IMMP2L: variants seen among roughly 807,000 people sequenced by gnomAD.
The protein encoded by IMMP2L is inner mitochondrial membrane peptidase subunit 2.
Under a neutral mutation model 19.3 loss-of-function variants are expected in IMMP2L, and 18 were observed. The ratio of observed to expected loss-of-function variants is 0.93; its 90% CI spans 0.64 to 1.38. IMMP2L has a LOEUF of 1.38. IMMP2L is among the 40% of genes most tolerant of loss of function. The pLI is 0.00. For missense variants in IMMP2L, 233 were observed against 218.2 expected (o/e 1.07, Z -0.43); for synonymous variants, 76 against 73.0 (o/e 1.04, Z -0.21).
intron 3 of IMMP2L, among the ~76,000 whole-genome samples, chr7:111,033,595 C>T (rs1432934668): frequency 1.3e-5 from 2 of 152,122 alleles, no homozygotes; most frequent in African/African-American, 4.8e-5. Context: ...AGTAAACAAA[C>T]TGTGATACAT....
At chr7:110,762,720 G>C (rs909142040) in intron 5 of IMMP2L, among the ~76,000 whole-genome samples, 3 of 152,148 alleles carry the variant, frequency 2.0e-5, no homozygotes, top group Non-Finnish European at 4.4e-5. Context: ...CTGCTGAACT[G>C]AGTTAATGTC....
rs991454711 is a variant in IMMP2L at position 111,237,673 on chromosome 7, T to C, written c.239+249565A>G. Among the ~76,000 whole-genome samples, 3 of 151,856 alleles carry C rather than the reference T, an allele frequency of 2.0e-5. No homozygotes were observed. The East Asian group carries it at 5.8e-4, about 29-fold the overall frequency. On this transcript the variant is annotated intron_variant, in intron 3 of 5. Transcript: ENST00000405709. ...TCATAGAAATTACACCTTATAAATGTATATAATCTGTTTCTTTAAAAAAAA... is the reference window on the plus strand; with the variant it reads ...TCATAGAAATTACACCTTATAAATGCATATAATCTGTTTCTTTAAAAAAAA...
intron 3 of IMMP2L, among the ~76,000 whole-genome samples, chr7:111,428,179 TG>T (rs1323013319): frequency 6.6e-6 from 1 of 151,776 alleles, no homozygotes; most frequent in Non-Finnish European, 1.5e-5. Flanking sequence ...TCCCTTATAT[TG>T]TATTTCACCC....
At chr7:111,467,551 T>A (rs1490628069) in intron 3 of IMMP2L, among the ~76,000 whole-genome samples, 1 of 152,156 alleles carries the variant, frequency 6.6e-6, no homozygotes, top group Non-Finnish European at 1.5e-5. Context: ...GAAAACAATA[T>A]GCCAACTCCT....
chr7:111,396,166 T>C (rs954148963), intron 3 of IMMP2L, among the ~76,000 whole-genome samples: 1 of 152,068 alleles, frequency 6.6e-6, no homozygotes, highest in African/African-American at 2.4e-5. Flanking sequence ...CATTTTACTA[T>C]AAAGACACAT....
chr7:111,507,502 G>A (rs979669650), intron 2 of IMMP2L, among the ~76,000 whole-genome samples: 6 of 151,968 alleles, frequency 3.9e-5, no homozygotes, highest in East Asian at 3.9e-4. Flanking sequence ...ATTCCAGTCC[G>A]CAGTAACAGA....
chr7:110,961,480 T>A (rs780939707), intron 4 of IMMP2L, among the ~76,000 whole-genome samples: 2 of 151,374 alleles, frequency 1.3e-5, no homozygotes, highest in African/African-American at 2.4e-5. Flanking sequence ...GTTTTCTCTC[T>A]CTCTGAATAT....
intron 1 of IMMP2L, among the ~76,000 whole-genome samples, chr7:111,541,830 C>T (rs1294725465): frequency 1.3e-5 from 2 of 151,916 alleles, no homozygotes; most frequent in African/African-American, 4.8e-5. Context: ...GCAAAAAAGA[C>T]GAGGCATATC....
chr7:110,919,602 G>A (rs1814021968), intron 4 of IMMP2L, among the ~76,000 whole-genome samples: 1 of 152,078 alleles, frequency 6.6e-6, no homozygotes, highest in African/African-American at 2.4e-5. Context: ...ATACCGGAGA[G>A]GAGATTGAAC....
At chr7:110,993,693 A>C (rs1323242338) in intron 3 of IMMP2L, among the ~76,000 whole-genome samples, 3 of 152,030 alleles carry the variant, frequency 2.0e-5, no homozygotes, top group African/African-American at 7.2e-5. Context: ...GTCCAACTGG[A>C]TATTGCATTG....
intron 5 of IMMP2L, among the ~76,000 whole-genome samples, chr7:110,780,874 C>T (rs1182072464): frequency 6.6e-6 from 1 of 151,870 alleles, no homozygotes; most frequent in African/African-American, 2.4e-5. Flanking sequence ...TCATTATTTG[C>T]ACTCCCTGTC....
At chr7:111,266,544 C>CAAAAAAA (rs530670317) in intron 3 of IMMP2L, among the ~76,000 whole-genome samples, 1 of 88,774 alleles carries the variant, frequency 1.1e-5, no homozygotes, top group Non-Finnish European at 2.4e-5. Context: ...CTATGTCTCC[C>CAAAAAAA]AAAAAAAAAA....
At chr7:111,142,331 AAAAAAAAAAAAAGAAAGAAAG>A (rs1802996506) in intron 3 of IMMP2L, among the ~76,000 whole-genome samples, 1 of 72,750 alleles carries the variant, frequency 1.4e-5, no homozygotes. Flanking sequence ...GTCTCAAAAA[AAAAAAAAAAAAAGAAAGAAAG>A]AAAGAAAGAA....
chr7:111,254,674 T>C (rs914746424), intron 3 of IMMP2L, among the ~76,000 whole-genome samples: 2 of 152,104 alleles, frequency 1.3e-5, no homozygotes, highest in Admixed American at 6.6e-5. Flanking sequence ...TCTGTATACA[T>C]GAGAGATTGG....
At chr7:110,916,519 G>C (rs929487026) in intron 4 of IMMP2L, among the ~76,000 whole-genome samples, 10 of 152,144 alleles carry the variant, frequency 6.6e-5, no homozygotes, top group African/African-American at 2.2e-4. Flanking sequence ...AATCCTTGAA[G>C]ATGTGAAAAG....
intron 2 of IMMP2L, among the ~76,000 whole-genome samples, chr7:111,493,567 T>A (rs1843298623): frequency 6.8e-6 from 1 of 148,038 alleles, no homozygotes; most frequent in Non-Finnish European, 1.5e-5. Context: ...TAGCCGGGCG[T>A]GGGGGCGGGC....
intron 4 of IMMP2L, among the ~76,000 whole-genome samples, chr7:110,900,537 T>A (rs1156574845): frequency 2.6e-5 from 4 of 152,132 alleles, no homozygotes; most frequent in Non-Finnish European, 5.9e-5. Context: ...ACACAACAGA[T>A]CCAACCATGT....
At chr7:110,945,350 G>C (rs968244650) in intron 4 of IMMP2L, among the ~76,000 whole-genome samples, 2 of 152,024 alleles carry the variant, frequency 1.3e-5, no homozygotes, top group South Asian at 2.1e-4. Context: ...CAGTTAGGAT[G>C]CAGCCACAGT....
At chr7:111,010,889 T>A (rs1824870975) in intron 3 of IMMP2L, among the ~76,000 whole-genome samples, 1 of 151,772 alleles carries the variant, frequency 6.6e-6, no homozygotes, top group African/African-American at 2.4e-5. Flanking sequence ...TGAAGACAAG[T>A]TTGAGGTATA....
Sources: allele counts gnomAD v4.1 joint callset (sites outside exome capture counted in the v4.1 genomes callset), GRCh38; gene constraint gnomAD v4.1.1; transcripts MANE v1.5; gene names NCBI Gene and HGNC (gene_info 2026-07-23, HGNC 2026-07-21).